The following EPHA6 variants were observed in gnomAD, a reference collection of about 807,000 sequenced individuals.
EPHA6 encodes the protein ephrin type-A receptor 6.
Under a neutral mutation model 112.0 loss-of-function variants are expected in EPHA6, and 50 were observed. That is an observed-to-expected ratio of 0.45 (90% CI 0.36 to 0.56). The LOEUF (loss-of-function observed/expected upper bound fraction) is 0.56, where lower values mean the gene tolerates loss of function less well. Ranked by LOEUF, EPHA6 falls within the 20% of genes least tolerant of loss-of-function variation. EPHA6 has a pLI of 0.00. For synonymous variants in EPHA6, 529 were observed against 490.7 expected (o/e 1.08, Z -1.03); for missense variants, 1,280 against 1,417.4 (o/e 0.90, Z 1.56).
intron 5 of EPHA6, among the ~76,000 whole-genome samples, chr3:97,380,338 T>C (rs1234577384): frequency 6.6e-6 from 1 of 152,178 alleles, no homozygotes; most frequent in East Asian, 1.9e-4. Context: ...AACTAAAAGA[T>C]GTTCCCTGGA....
At chr3:97,468,728 C>CA (rs1168566133) in intron 7 of EPHA6, among the ~76,000 whole-genome samples, 2 of 151,624 alleles carry the variant, frequency 1.3e-5, no homozygotes, top group Non-Finnish European at 3.0e-5. Context: ...ACACACAAAT[C>CA]AAGTAAGAAA....
intron 3 of EPHA6, among the ~76,000 whole-genome samples, chr3:97,119,937 T>C (rs2047996012): frequency 6.6e-6 from 1 of 152,022 alleles, no homozygotes; most frequent in Admixed American, 6.6e-5. Flanking sequence ...TCCTTTTGAA[T>C]GCTGAGACTC....
At chr3:97,433,915 G>A (rs1197472985) in intron 6 of EPHA6, among the ~76,000 whole-genome samples, 1 of 152,072 alleles carries the variant, frequency 6.6e-6, no homozygotes, top group Non-Finnish European at 1.5e-5. Context: ...CCATGGCTTG[G>A]TGCTTTCTAA....
At chr3:96,886,195 T>C (rs1317139799) in intron 2 of EPHA6, among the ~76,000 whole-genome samples, 1 of 152,204 alleles carries the variant, frequency 6.6e-6, no homozygotes, top group Non-Finnish European at 1.5e-5. Flanking sequence ...AATCCATTTG[T>C]TCCAAGGTGT....
intron 16 of EPHA6, among the ~76,000 whole-genome samples, chr3:97,738,742 A>G (rs2107864037): frequency 6.6e-6 from 1 of 152,186 alleles, no homozygotes; most frequent in South Asian, 2.1e-4. Flanking sequence ...TGGCATCTTG[A>G]TTCAATTCTA....
At chr3:97,252,651 G>T (rs779920769) in intron 5 of EPHA6, among the ~76,000 whole-genome samples, 2 of 152,020 alleles carry the variant, frequency 1.3e-5, no homozygotes, top group African/African-American at 2.4e-5. Flanking sequence ...GGCTAAGAGT[G>T]GGGGAGTGTG....
intron 4 of EPHA6, among the ~76,000 whole-genome samples, chr3:97,226,674 A>G (rs1195817100): frequency 6.6e-6 from 1 of 152,202 alleles, no homozygotes; most frequent in Non-Finnish European, 1.5e-5. Flanking sequence ...AGGCCCTACA[A>G]GTTTTCCTTA....
intron 3 of EPHA6, among the ~76,000 whole-genome samples, chr3:97,035,889 C>T (rs575120410): frequency 1.3e-5 from 2 of 151,884 alleles, no homozygotes; most frequent in African/African-American, 2.4e-5. Flanking sequence ...ATGTGGAAAT[C>T]GGATTCTCAG....
At chr3:97,200,447 A>G (rs1306083874) in intron 3 of EPHA6, among the ~76,000 whole-genome samples, 1 of 152,078 alleles carries the variant, frequency 6.6e-6, no homozygotes, top group Non-Finnish European at 1.5e-5. Flanking sequence ...TGACTATATG[A>G]GATAGTGCAT....
At chr3:97,154,331 T>G (rs1489338502) in intron 3 of EPHA6, among the ~76,000 whole-genome samples, 1 of 152,206 alleles carries the variant, frequency 6.6e-6, no homozygotes, top group East Asian at 1.9e-4. Flanking sequence ...ATGTACCCTT[T>G]AAAATTTGTT....
intron 2 of EPHA6, among the ~76,000 whole-genome samples, chr3:96,909,263 T>C (rs1054365947): frequency 2.6e-5 from 4 of 151,960 alleles, no homozygotes; most frequent in Non-Finnish European, 5.9e-5. Flanking sequence ...ACCTCTTAGA[T>C]AAGTAAGCAA....
intron 11 of EPHA6, among the ~76,000 whole-genome samples, chr3:97,565,652 T>C (rs2093253799): frequency 6.6e-6 from 1 of 152,208 alleles, no homozygotes; most frequent in Admixed American, 6.5e-5. Flanking sequence ...TACTGGAAGA[T>C]AATTTTAGCT....
intron 2 of EPHA6, among the ~76,000 whole-genome samples, chr3:96,917,585 T>C (rs2039552101): frequency 6.6e-6 from 1 of 151,960 alleles, no homozygotes; most frequent in African/African-American, 2.4e-5. Flanking sequence ...CCATGCACAG[T>C]ACACCACTGC....
intron 6 of EPHA6, among the ~76,000 whole-genome samples, chr3:97,415,245 T>C (rs1186450048): frequency 2.0e-5 from 3 of 152,100 alleles, no homozygotes; most frequent in Non-Finnish European, 4.4e-5. Flanking sequence ...TCTGCATTTA[T>C]CACCTCTTTT....
chr3:97,309,691 G>T (rs1187360627), intron 5 of EPHA6, among the ~76,000 whole-genome samples: 1 of 151,344 alleles, frequency 6.6e-6, no homozygotes, highest in African/African-American at 2.4e-5. Flanking sequence ...CTAATTAGAA[G>T]ATACATTTTA....
intron 13 of EPHA6, among the ~76,000 whole-genome samples, chr3:97,612,770 G>C (rs2093731152): frequency 6.6e-6 from 1 of 151,928 alleles, no homozygotes; most frequent in African/African-American, 2.4e-5. Flanking sequence ...CAAATTCTCT[G>C]TACCTCTGTT....
At chr3:97,442,171 A>T (rs1170295556) in intron 6 of EPHA6, among the ~76,000 whole-genome samples, 1 of 152,148 alleles carries the variant, frequency 6.6e-6, no homozygotes, top group Non-Finnish European at 1.5e-5. Context: ...AAGTGGTATA[A>T]CTCAGTTCCT....
chr3:96,962,857 A>G (rs2041994228), intron 2 of EPHA6, among the ~76,000 whole-genome samples: 1 of 152,084 alleles, frequency 6.6e-6, no homozygotes, highest in Admixed American at 6.6e-5. Flanking sequence ...AAAACAAATG[A>G]AAAGGAGGGA....
intron 5 of EPHA6, among the ~76,000 whole-genome samples, chr3:97,274,914 A>G (rs751395364): frequency 1.4e-4 from 21 of 152,230 alleles, no homozygotes; most frequent in Non-Finnish European, 2.5e-4. Context: ...AAGAGTGAGT[A>G]TAGCTGAAGG....
Sources: gnomAD v4.1 joint callset for allele counts (sites outside exome capture counted in the v4.1 genomes callset) on GRCh38, gnomAD v4.1.1 for gene constraint, MANE v1.5 for transcripts, NCBI Gene and HGNC (gene_info 2026-07-23, HGNC 2026-07-21) for gene names.